ZNF385D: variants seen among roughly 807,000 people sequenced by gnomAD.
ZNF385D encodes the protein zinc finger protein 659.
Under a neutral mutation model 35.8 loss-of-function variants are expected in ZNF385D, and 15 were observed. The ratio of observed to expected loss-of-function variants is 0.42; its 90% confidence interval spans 0.28 to 0.64. The LOEUF (loss-of-function observed/expected upper bound fraction) is 0.64. Among genes scored for constraint, ZNF385D ranks in the 30% least tolerant of loss-of-function variants. ZNF385D has a pLI of 0.23. For missense variants in ZNF385D, 474 were observed against 494.6 expected (o/e 0.96, Z 0.39); for synonymous variants, 212 against 186.8 (o/e 1.13, Z -1.10).
intron 3 of ZNF385D, among the ~76,000 whole-genome samples, chr3:21,955,197 G>T (rs147444019): frequency 6.6e-6 from 1 of 152,222 alleles, no homozygotes; most frequent in Non-Finnish European, 1.5e-5. Context: ...CATAAATGTG[G>T]ATGCAACACT....
At chr3:21,423,872 G>T in intron 7 of ZNF385D, 91 bp downstream of exon 7, 1 of 1,184,350 alleles carries the variant, frequency 8.4e-7, no homozygotes, top group Non-Finnish European at 1.2e-6. Context: ...GTACTGGGCT[G>T]TGGTTAAAGG....
At chr3:21,908,158 CTATCTA>C (rs1559743535) in intron 3 of ZNF385D, among the ~76,000 whole-genome samples, 153 of 112,410 alleles carry the variant, frequency 1.4e-3, no homozygotes, top group South Asian at 0.011. Context: ...ATCTATCTAT[CTATCTA>C]TCTATCTATA....
At chr3:21,443,358 A>C in intron 4 of ZNF385D, 1 of 985,294 alleles carries the variant, frequency 1.0e-6, no homozygotes, top group African/African-American at 1.7e-5. Context: ...GAAACTTGAT[A>C]CATATTTAGA....
intron 3 of ZNF385D, among the ~76,000 whole-genome samples, chr3:21,888,876 C>G (rs1021618912): frequency 1.3e-5 from 2 of 152,212 alleles, no homozygotes; most frequent in Non-Finnish European, 2.9e-5. Context: ...GTCTGACCAC[C>G]TGCTACAGCC....
At chr3:21,467,939 A>T (rs1369996657) in intron 4 of ZNF385D, among the ~76,000 whole-genome samples, 1 of 152,190 alleles carries the variant, frequency 6.6e-6, no homozygotes, top group Non-Finnish European at 1.5e-5. Context: ...TGATAGTTCC[A>T]TTTGTTGGCA....
At position 22,217,493 on chromosome 3, in the gene ZNF385D, C is replaced by T. The variant is rs2125273549; in HGVS notation, c.107-48458G>A. Among the ~76,000 whole-genome samples, 3 of 152,250 alleles carry T rather than the reference C, an allele frequency of 2.0e-5. No individual in the cohort carries two copies. The South Asian group carries it at 6.2e-4, about 32-fold the overall frequency. ...TCCAGTATGACCTCTTAACGAATTA[C>T]CTCTACAATGACCCTGTTTCCAAAT... On this transcript the variant is annotated intron_variant, in intron 2 of 5. Transcript: ENST00000494108.
chr3:21,846,790 G>A lies in ZNF385D; in HGVS notation c.326-181762C>T, dbSNP rs147748412. ...CGGCTTAATGGTGCGCCCAGGAGAAGCACCTCTAAGAAGCTAGAATCTGGT... is the reference window on the plus strand; with the variant it reads ...CGGCTTAATGGTGCGCCCAGGAGAAACACCTCTAAGAAGCTAGAATCTGGT... On this transcript the variant is annotated intron_variant, in intron 3 of 5. Coordinates refer to the ZNF385D transcript ENST00000494108. 1.9e-3 allele frequency among the ~76,000 whole-genome samples: 293 copies of A among 152,088 alleles called. 2 individuals are homozygous for A. Among genetic ancestry groups the A allele is most frequent in the African/African-American group, 6.2e-3 (257 of 41,536 alleles).
chr3:22,065,798 G>A (rs1699918052), intron 3 of ZNF385D, among the ~76,000 whole-genome samples: 1 of 152,138 alleles, frequency 6.6e-6, no homozygotes, highest in African/African-American at 2.4e-5. Context: ...CACAAATTGT[G>A]TAAGTCATAA....
chr3:22,262,839 G>A (rs2728989), intron 2 of ZNF385D, among the ~76,000 whole-genome samples: 50,349 of 151,378 alleles, frequency 0.33, 8,702 homozygotes, highest in Non-Finnish European at 0.38. Flanking sequence ...TGTGGTCTTC[G>A]TCCCCTCTTC....
At position 21,730,684 on chromosome 3, in the gene ZNF385D, G is replaced by A. The variant is rs185905084; in HGVS notation, c.22+20211C>T. On this transcript the variant is annotated intron_variant, in intron 1 of 7. Transcript: ENST00000281523. Reference sequence around the variant, plus strand: ...ATTCCTGCTTCCAAGTCTAACAACTGCTCATGAGTTCTTATGTTTCTTTTT... The same window carrying A: ...ATTCCTGCTTCCAAGTCTAACAACTACTCATGAGTTCTTATGTTTCTTTTT... 9.2e-5 allele frequency among the ~76,000 whole-genome samples: 14 copies of A among 152,314 alleles called. No homozygotes were observed. In the East Asian group the frequency reaches 2.7e-3, roughly 29 times the overall value.
chr3:22,366,057 C>T (rs1261535796), intron 2 of ZNF385D, among the ~76,000 whole-genome samples: 4 of 151,906 alleles, frequency 2.6e-5, no homozygotes, highest in Non-Finnish European at 4.4e-5. Context: ...ATTTTTTAAG[C>T]TTGTCCTTAT....
chr3:21,993,496 A>T (rs1287863190), intron 3 of ZNF385D, among the ~76,000 whole-genome samples: 2 of 152,234 alleles, frequency 1.3e-5, no homozygotes, highest in African/African-American at 4.8e-5. Context: ...TTTAACTATC[A>T]CTTCCCACAA....
At chr3:21,960,531 T>A (rs1324485875) in intron 3 of ZNF385D, among the ~76,000 whole-genome samples, 1 of 152,022 alleles carries the variant, frequency 6.6e-6, no homozygotes, top group Non-Finnish European at 1.5e-5. Context: ...GTGTGGAGAT[T>A]TCTCAAAAAA....
intron 1 of ZNF385D, among the ~76,000 whole-genome samples, chr3:21,708,793 G>A (rs953658818): frequency 6.6e-6 from 1 of 151,638 alleles, no homozygotes; most frequent in African/African-American, 2.4e-5. Context: ...GACTTTGTTG[G>A]TTATTTTTCC....
intron 2 of ZNF385D, among the ~76,000 whole-genome samples, chr3:22,205,856 C>A (rs1697114969): frequency 6.6e-6 from 1 of 151,876 alleles, no homozygotes; most frequent in Non-Finnish European, 1.5e-5. Context: ...GAGAAGACCA[C>A]AAAGCAACCA....
At chr3:21,864,339 CAA>C (rs1475450461) in intron 3 of ZNF385D, among the ~76,000 whole-genome samples, 2 of 152,086 alleles carry the variant, frequency 1.3e-5, no homozygotes, top group Non-Finnish European at 2.9e-5. Flanking sequence ...GCAGCGGATG[CAA>C]AGTCTTAGGA....
rs115530855 is a variant in ZNF385D at position 22,287,735 on chromosome 3, T to A, written c.106+84715A>T. On this transcript the variant is annotated intron_variant, in intron 2 of 5. Coordinates refer to the ZNF385D transcript ENST00000494108. The stretch of plus-strand genomic sequence containing the variant: ...CAACAAGATATTATAGCTATAATTG[T>A]TTGTAATAGTTTTTCCTTTTAGCCT... 4.1e-3 allele frequency among the ~76,000 whole-genome samples: 622 copies of A among 152,128 alleles called. 4 individuals carry two copies. Among genetic ancestry groups the A allele is most frequent in the African/African-American group, 0.014 (581 of 41,554 alleles).
intron 3 of ZNF385D, among the ~76,000 whole-genome samples, chr3:22,094,743 A>C (rs1701524129): frequency 6.6e-6 from 1 of 152,028 alleles, no homozygotes; most frequent in African/African-American, 2.4e-5. Context: ...CCACACTGGG[A>C]AATGTGTGAT....
chr3:22,226,912 C>T (rs564601910), intron 2 of ZNF385D, among the ~76,000 whole-genome samples: 1 of 152,276 alleles, frequency 6.6e-6, no homozygotes, highest in African/African-American at 2.4e-5. Context: ...TGAATCATAT[C>T]ATTGAGTTCA....
Sources: gnomAD v4.1 joint callset for allele counts (sites outside exome capture counted in the v4.1 genomes callset) on GRCh38, gnomAD v4.1.1 for gene constraint, MANE v1.5 for transcripts, NCBI Gene and HGNC (gene_info 2026-07-23, HGNC 2026-07-21) for gene names.